Variants in DICER1 observed in about 807,000 individuals in gnomAD.
DICER1 encodes endoribonuclease Dicer.
In DICER1, 43 loss-of-function variants were observed where a neutral mutation model predicts 194.1. The observed-to-expected ratio is 0.22, with a 90% CI of 0.17 to 0.29. The LOEUF (loss-of-function observed/expected upper bound fraction) is 0.29. Ranked by LOEUF, DICER1 falls within the 10% of genes least tolerant of loss-of-function variation. The pLI is 1.00. For missense variants in DICER1, 1,608 were observed against 2,317.0 expected, an observed-to-expected ratio of 0.69 and a Z score of 6.28; for synonymous variants, 832 against 820.5, an observed-to-expected ratio of 1.01 and a Z score of -0.24.
rs143139262 is a variant in DICER1 at position 95,122,407 on chromosome 14, G to A, written c.1376+1789C>T. Among the ~76,000 whole-genome samples the A allele has an allele frequency of 1.2e-3, 188 of 152,178 alleles. 1 individual carries two copies. The highest frequency in any genetic ancestry group is 4.3e-3 in the African/African-American group (179 of 41,512). ...TGTCCATAACTAGGCTTACAACTGC[G>A]CCAGCATTAAACTTTTTTGACTCCC... is the stretch of plus-strand genomic sequence containing the variant. On this transcript the variant is annotated intron_variant, in intron 8 of 26. Transcript: ENST00000343455.
chr14:95,145,709 C>T (rs761576598), intron 1 of DICER1, among the ~76,000 whole-genome samples: 2 of 151,800 alleles, frequency 1.3e-5, no homozygotes, highest in African/African-American at 4.8e-5. Context: ...AATTTAAACA[C>T]TGGTATCTTT....
At chr14:95,111,182 G>T in intron 14 of DICER1, 135 bp downstream of exon 14, 1 of 923,574 alleles carries the variant, frequency 1.1e-6, no homozygotes, top group Non-Finnish European at 1.8e-6. Context: ...GTGAATCGGA[G>T]AAAGGAGCTG....
chr14:95,115,753 A>G lies in DICER1; in HGVS notation c.1821T>C (p.Asp607=), dbSNP rs1892388674. The G allele has an allele frequency of 6.2e-7, 1 of 1,614,064 alleles. No homozygotes were observed. Among genetic ancestry groups the G allele is most frequent in the African/African-American group, 1.3e-5 (1 of 74,930 alleles). ...ACACATATGGTGGGAAAACGTCATCATCATCCATGACAGGATCAATGTCAG... is the reference window on the plus strand; with the variant it reads ...ACACATATGGTGGGAAAACGTCATCGTCATCCATGACAGGATCAATGTCAG... ...GETDIDPVMD[D]DDVFPPYVLR... The change falls in exon 11 of 27, where the codon GAT becomes GAC. Residue 607 remains aspartate (D), a synonymous_variant. Coordinates refer to ENST00000343455, the MANE Select transcript of DICER1 (RefSeq NM_177438.3).
Position 95,124,418 on chromosome 14 carries a change from C to T in DICER1, c.1154G>A (p.Arg385His), listed in dbSNP as rs1273140956. The T allele has an allele frequency of 4.3e-6, 7 of 1,613,980 alleles. No homozygotes were observed. The highest frequency in any genetic ancestry group is 2.2e-5 in the East Asian group (1 of 44,894). Residue 385 changes from arginine (R) to histidine (H), a missense_variant, in exon 8 of 27, where the codon CGC becomes CAC. Arg to His is a conservative substitution (Grantham distance 29). Coordinates refer to ENST00000343455, the MANE Select transcript of DICER1 (RefSeq NM_177438.3). This position sits in a 1 kb window ranked among gnomAD's most constrained non-coding sequence, Gnocchi z 4.5. ...CTGTCGCTCATATGGTTTATATTTG[C>T]GTAAGATTTCGAGCAGTTTGATTAC... Reference protein sequence around the residue: ...PKVIKLLEILRKYKPYERQQF... With the variant: ...PKVIKLLEILHKYKPYERQQF...
intron 1 of DICER1, among the ~76,000 whole-genome samples, chr14:95,143,055 A>C (rs1323386033): frequency 6.6e-6 from 1 of 152,212 alleles, no homozygotes; most frequent in Non-Finnish European, 1.5e-5. Context: ...ACAAAGCCCA[A>C]AATGCATGAC....
At position 95,088,628 on chromosome 14, in the gene DICER1, T is replaced by C. The variant is rs1250018375; in HGVS notation, c.*1870A>G. On this transcript the variant is annotated 3_prime_UTR_variant, in exon 27 of 27. Coordinates refer to ENST00000343455, the MANE Select transcript of DICER1 (RefSeq NM_177438.3). The stretch of plus-strand genomic sequence containing the variant: ...CGGAATTAAATATTTTTAAAACAAG[T>C]CACCTAATTTGCTCAAAAACTCGTT... The C allele has an allele frequency of 8.6e-6, 2 of 232,494 alleles. No homozygotes were observed. Among genetic ancestry groups the C allele is most frequent in the African/African-American group, 4.4e-5 (2 of 45,422 alleles). 14.4% of individuals were successfully genotyped at this position (232,494 alleles called of 1,614,324 possible).
rs1315714511 is a variant in DICER1, at chr14:95,090,464, T to C, written c.*34A>G. 1.2e-6 allele frequency: 2 copies of C among 1,610,756 alleles called. No homozygotes were observed. The highest frequency in any genetic ancestry group is 2.7e-5 in the African/African-American group (2 of 74,828). ...ATAATTTTCCCCTTAATTTTTTTTGTTTTGTTTCTTGTTTTGAATTTTAAA... is the reference window on the plus strand; with the variant it reads ...ATAATTTTCCCCTTAATTTTTTTTGCTTTGTTTCTTGTTTTGAATTTTAAA... On this transcript the variant is annotated 3_prime_UTR_variant, in exon 27 of 27. Transcript: ENST00000343455.
In DICER1 at chr14:95,088,164, A is replaced by G. The variant is rs1355938907; in HGVS notation, c.*2334T>C. On this transcript the variant is annotated 3_prime_UTR_variant, in exon 27 of 27. Transcript: ENST00000343455. ...AAACGGCTGAAGTTTGCTGTTGATAAAACATTTGAATGGTAGAAGGAAATT... is the reference window on the plus strand; with the variant it reads ...AAACGGCTGAAGTTTGCTGTTGATAGAACATTTGAATGGTAGAAGGAAATT... 2 of 232,756 alleles carry G rather than the reference A, an allele frequency of 8.6e-6. No individual in the cohort carries two copies. Among genetic ancestry groups the G allele is most frequent in the Non-Finnish European group, 1.7e-5 (2 of 117,574 alleles). 14.4% of individuals were successfully genotyped at this position (232,756 alleles called of 1,614,324 possible).
At chr14:95,115,872 T>C (rs1383789332) in intron 10 of DICER1, 51 bp from the exon 11 acceptor site, 3 of 1,581,906 alleles carry the variant, frequency 1.9e-6, no homozygotes, top group Middle Eastern at 1.7e-4. Context: ...CTCTCTGCTG[T>C]ATGCTGTCTG....
chr14:95,108,262 T>TA, intron 15 of DICER1, 62 bp downstream of exon 15: 1 of 1,527,142 alleles, frequency 6.5e-7, no homozygotes, highest in Non-Finnish European at 9.1e-7. Context: ...TACTAGTTTT[T>TA]TTTTTTTTCC....
At chr14:95,103,255 C>T (rs1341636659) in intron 21 of DICER1, 91 bp downstream of exon 21, 5 of 1,363,426 alleles carry the variant, frequency 3.7e-6, no homozygotes, top group East Asian at 2.3e-5. Context: ...GAGCATGATA[C>T]GTTCTCATCC....
chr14:95,103,264 CCT>C, intron 21 of DICER1, 80 bp downstream of exon 21: 1 of 1,413,026 alleles, frequency 7.1e-7, no homozygotes, highest in Non-Finnish European at 1.0e-6. Context: ...ACGTTCTCAT[CCT>C]CTGAGATTAT....
rs545752774 is a variant in DICER1 at position 95,090,255 on chromosome 14, C to T, written c.*243G>A. The T allele has an allele frequency of 4.4e-4, 243 of 546,412 alleles. No homozygotes were observed. Among genetic ancestry groups the T allele is most frequent in the African/African-American group, 3.9e-3 (208 of 52,998 alleles). 33.8% of individuals were successfully genotyped at this position (546,412 alleles called of 1,614,324 possible). A position where few individuals can be genotyped will look rare whatever the true frequency, so the allele number is the denominator to read the frequency against. On this transcript the variant is annotated 3_prime_UTR_variant, in exon 27 of 27. Transcript: ENST00000343455. ...AAGCACTCTTGTGATTTAAACAAAG[C>T]AGAAGTGAGGAAAGAAGATAAGATT...
At chr14:95,157,938 C>T (rs892982334), upstream of DICER1, 3 of 152,214 alleles carry the variant, frequency 2.0e-5, no homozygotes, top group African/African-American at 7.2e-5. Flanking sequence ...TACCTTCCCA[C>T]TCGCCTGCGT....
intron 8 of DICER1, among the ~76,000 whole-genome samples, chr14:95,121,782 T>C (rs1034628731): frequency 6.6e-6 from 1 of 152,174 alleles, no homozygotes; most frequent in African/African-American, 2.4e-5. Flanking sequence ...GTTGTGAATA[T>C]GTCTTAAATA....
rs1595374234 is a variant in DICER1, at chr14:95,106,182, T to C, written c.2846A>G (p.Asp949Gly). 1 of 1,614,134 alleles carries C rather than the reference T, an allele frequency of 6.2e-7. No homozygotes were observed. Among genetic ancestry groups the C allele is most frequent in the South Asian group, 1.1e-5 (1 of 91,084 alleles). The change falls in exon 18 of 27, where the codon GAT (aspartate) becomes GGT (glycine). Residue 949 changes from aspartate to glycine, a missense_variant. By Grantham distance (94) the Asp-to-Gly change is moderately conservative. Coordinates refer to ENST00000343455, the MANE Select transcript of DICER1 (RefSeq NM_177438.3). ...FDQPHRFYVA[D>G]VYTDLTPLSK... Reference sequence around the variant, plus strand: ...GAGTGGGGTAAGATCAGTGTACACATCAGCTACATAAAATCGATGAGGCTG... The same window carrying C: ...GAGTGGGGTAAGATCAGTGTACACACCAGCTACATAAAATCGATGAGGCTG...
chr14:95,086,265 A>T lies in DICER1; in HGVS notation c.*4233T>A, dbSNP rs1432186274. ...AACTTTATTGGAGATTTACTTGGCT[A>T]CAATTATTACAAAAAAAACAACTAA... On this transcript the variant is annotated 3_prime_UTR_variant, in exon 27 of 27. Coordinates refer to ENST00000343455, the MANE Select transcript of DICER1 (RefSeq NM_177438.3). 8.6e-6 allele frequency: 2 copies of T among 232,602 alleles called. No homozygotes were observed. Among genetic ancestry groups the T allele is most frequent in the African/African-American group, 4.4e-5 (2 of 45,338 alleles). The allele number at this position is 232,602 out of a possible 1,614,324, so 14.4% of individuals were successfully genotyped here.
intron 1 of DICER1, among the ~76,000 whole-genome samples, chr14:95,148,355 C>A (rs1252767271): frequency 6.6e-6 from 1 of 152,204 alleles, no homozygotes. Context: ...CTACCAGGAG[C>A]TACCGGCCAC....
Position 95,106,168 on chromosome 14 carries a change from G to A in DICER1, c.2860C>T (p.Leu954Phe), listed in dbSNP as rs1458698147. 1 of 1,613,970 alleles carries A rather than the reference G, an allele frequency of 6.2e-7. No individual in the cohort carries two copies. Among genetic ancestry groups the A allele is most frequent in the South Asian group, 1.1e-5 (1 of 91,072 alleles). ...RFYVADVYTDLTPLSKFPSPE... is the reference protein window; with the variant it reads ...RFYVADVYTDFTPLSKFPSPE... ...GAAGGAAATTTACTGAGTGGGGTAAGATCAGTGTACACATCAGCTACATAA... is the reference window on the plus strand; with the variant it reads ...GAAGGAAATTTACTGAGTGGGGTAAAATCAGTGTACACATCAGCTACATAA... Residue 954 changes from leucine (L) to phenylalanine (F), a missense_variant, in exon 18 of 27, where the codon CTT becomes TTT. By Grantham distance (22) the Leu-to-Phe change is conservative. Around this residue, in one of 10 missense-constraint regions of DICER1, gnomAD observed 150 missense variants for 216.0 expected, o/e 0.69. Transcript: ENST00000343455.
Sources: allele counts gnomAD v4.1 joint callset (sites outside exome capture counted in the v4.1 genomes callset), GRCh38; gene constraint gnomAD v4.1.1; regional missense constraint gnomAD v4.1.1; non-coding constraint Gnocchi (gnomAD v3.1); transcripts MANE v1.5; gene names NCBI Gene and HGNC (gene_info 2026-07-23, HGNC 2026-07-21).